CYP3A4: variants seen among roughly 807,000 people sequenced by gnomAD.
The protein encoded by CYP3A4 is cytochrome P450 family 3 subfamily A member 4.
In CYP3A4, 41 loss-of-function variants were observed where a neutral mutation model predicts 54.9. The observed-to-expected ratio is 0.75, with a 90% confidence interval of 0.58 to 0.97. CYP3A4 has a LOEUF of 0.97. Ranked by LOEUF, CYP3A4 falls within the 50% of genes least tolerant of loss-of-function variation. CYP3A4 has a pLI of 0.00. For missense variants in CYP3A4, 510 were observed against 597.3 expected (o/e 0.85, Z 1.52); for synonymous variants, 179 against 205.2 (o/e 0.87, Z 1.09).
At chr7:99,778,918 G>C (rs1229059388) in intron 2 of CYP3A4, among the ~76,000 whole-genome samples, 2 of 152,136 alleles carry the variant, frequency 1.3e-5, no homozygotes, top group Non-Finnish European at 2.9e-5. Flanking sequence ...GAAATTCCTG[G>C]ATAGTAATTA....
At chr7:99,778,192 G>A in intron 2 of CYP3A4, 112 bp from the exon 3 acceptor site, 1 of 795,902 alleles carries the variant, frequency 1.3e-6, no homozygotes, top group East Asian at 2.7e-5. Flanking sequence ...CTGGCAGTTA[G>A]AGGAAGCTTA....
At chr7:99,762,383 G>A in intron 10 of CYP3A4, 116 bp from the exon 11 acceptor site, 2 of 1,346,158 alleles carry the variant, frequency 1.5e-6, no homozygotes. Flanking sequence ...ACTGGTAAAG[G>A]ATCGAAGCAT....
intron 1 of CYP3A4, among the ~76,000 whole-genome samples, chr7:99,780,478 G>C (rs1815892290): frequency 1.3e-5 from 2 of 152,162 alleles, no homozygotes; most frequent in South Asian, 4.1e-4. Flanking sequence ...GGTAGAAAGG[G>C]TGACATTTTT....
chr7:99,770,067 T>G, intron 5 of CYP3A4, 55 bp downstream of exon 5: 1 of 1,568,768 alleles, frequency 6.4e-7, no homozygotes, highest in African/African-American at 1.4e-5. Context: ...TTTATACCTG[T>G]CCCCACCAGA....
intron 6 of CYP3A4, among the ~76,000 whole-genome samples, chr7:99,769,094 C>A (rs13312080): frequency 1.3e-5 from 2 of 151,980 alleles, no homozygotes; most frequent in South Asian, 4.2e-4. Flanking sequence ...ATATAATGAC[C>A]AATAATGTCC....
At chr7:99,776,859 AAAAAT>A (rs1456318405) in intron 3 of CYP3A4, among the ~76,000 whole-genome samples, 5 of 152,162 alleles carry the variant, frequency 3.3e-5, no homozygotes, top group Admixed American at 6.5e-5. Flanking sequence ...ACTAAAAATA[AAAAAT>A]AAAATAAAAT....
At chr7:99,770,336 A>C in intron 4 of CYP3A4, 101 bp from the exon 5 acceptor site, 1 of 975,544 alleles carries the variant, frequency 1.0e-6, no homozygotes, top group Non-Finnish European at 1.5e-6. Context: ...ACAACTATTT[A>C]GTGACTGTCT....
In CYP3A4 at chr7:99,778,083, G is replaced by C. The variant is rs1447731963; in HGVS notation, c.166-3C>G. 11 of 1,609,324 alleles carry C rather than the reference G, an allele frequency of 6.8e-6. No individual in the cohort carries two copies. The Admixed American group carries it at 8.4e-5, about 12-fold the overall frequency. On this transcript the variant is annotated splice_polypyrimidine_tract_variant and splice_region_variant and intron_variant, in intron 2 of 12. Coordinates refer to ENST00000651514, the MANE Select transcript of CYP3A4 (RefSeq NM_017460.6). ...TCCATGTCAAACATACAAAAGCCCTGGGAGGAGAAACAAAATAATATTTGA... is the reference window on the plus strand; with the variant it reads ...TCCATGTCAAACATACAAAAGCCCTCGGAGGAGAAACAAAATAATATTTGA...
At position 99,766,327 on chromosome 7, in the gene CYP3A4, G is replaced by A. The variant is rs1815475994; in HGVS notation, c.865+50C>T. ...ACTTCCTGCACATTTTCAGAACAAG[G>A]CCTTCCCTCTGAGTGCCCCACAAGT... On this transcript the variant is annotated intron_variant, in intron 9 of 12. Coordinates refer to ENST00000651514, the MANE Select transcript of CYP3A4 (RefSeq NM_017460.6). The A allele has an allele frequency of 8.2e-6, 13 of 1,593,266 alleles. No homozygotes were observed. The South Asian group carries it at 1.3e-4, about 16-fold the overall frequency.
At chr7:99,773,868 G>C (rs1315496534) in intron 3 of CYP3A4, among the ~76,000 whole-genome samples, 3 of 152,006 alleles carry the variant, frequency 2.0e-5, no homozygotes, top group Non-Finnish European at 4.4e-5. Context: ...GAAGGAGATA[G>C]AGACACAACA....
intron 3 of CYP3A4, among the ~76,000 whole-genome samples, chr7:99,776,158 C>T (rs1480912560): frequency 1.3e-5 from 2 of 152,010 alleles, no homozygotes; most frequent in Non-Finnish European, 2.9e-5. Context: ...CATCTCATGC[C>T]AGGTAGTATG....
intron 1 of CYP3A4, among the ~76,000 whole-genome samples, chr7:99,783,072 G>A (rs1815967179): frequency 1.3e-5 from 2 of 152,204 alleles, no homozygotes; most frequent in South Asian, 4.1e-4. Context: ...AAGGTCAGAA[G>A]ATGGAAAATA....
At chr7:99,776,058 G>T (rs540248503) in intron 3 of CYP3A4, among the ~76,000 whole-genome samples, 4 of 152,176 alleles carry the variant, frequency 2.6e-5, no homozygotes, top group Admixed American at 6.5e-5. Flanking sequence ...CTTCTCAAAA[G>T]AAGACATCTA....
intron 7 of CYP3A4, among the ~76,000 whole-genome samples, chr7:99,768,034 T>TAAA (rs1375830760): frequency 2.0e-5 from 3 of 152,210 alleles, no homozygotes; most frequent in Non-Finnish European, 4.4e-5. Flanking sequence ...AACTAGAGAA[T>TAAA]AAAAAACCCT....
At chr7:99,776,780 G>A (rs1395994667) in intron 3 of CYP3A4, among the ~76,000 whole-genome samples, 1 of 152,052 alleles carries the variant, frequency 6.6e-6, no homozygotes, top group Admixed American at 6.6e-5. Flanking sequence ...ACCATGGCAC[G>A]TGTATACCTA....
At chr7:99,764,164 T>G in intron 9 of CYP3A4, 149 bp from the exon 10 acceptor site, 1 of 1,189,066 alleles carries the variant, frequency 8.4e-7, no homozygotes, top group South Asian at 1.5e-5. Context: ...GGTTTCATTC[T>G]GATGTGTATC....
At chr7:99,772,530 A>C in intron 4 of CYP3A4, 60 bp downstream of exon 4, 2 of 1,598,828 alleles carry the variant, frequency 1.3e-6, no homozygotes, top group Admixed American at 1.7e-5. Context: ...TGAATATATA[A>C]GAATTTCAAA....
In CYP3A4 at chr7:99,775,788, G is replaced by T. The variant is rs566091901; in HGVS notation, c.218+2240C>A. Among the ~76,000 whole-genome samples, 31 of 152,008 alleles carry T rather than the reference G, an allele frequency of 2.0e-4. No homozygotes were observed. The South Asian group carries it at 2.9e-3, about 14-fold the overall frequency. On this transcript the variant is annotated intron_variant, in intron 3 of 12. Coordinates refer to ENST00000651514, the MANE Select transcript of CYP3A4 (RefSeq NM_017460.6). ...ATTCAGGACACAGGCATGGGCAAAG[G>T]CTTCATAAATATAACACCAAAAGCA...
rs1387837370 is a variant in CYP3A4, at chr7:99,758,089, G to A, written c.*44C>T. 6.6e-7 allele frequency: 1 copy of A among 1,508,914 alleles called. No homozygotes were observed. Among genetic ancestry groups the A allele is most frequent in the Non-Finnish European group, 9.2e-7 (1 of 1,084,502 alleles). 93.5% of individuals were successfully genotyped at this position (1,508,914 alleles called of 1,614,324 possible). On this transcript the variant is annotated 3_prime_UTR_variant, in exon 13 of 13. Transcript: ENST00000651514. Reference sequence around the variant, plus strand: ...TAATTTGAGGTCTCTGGTGTTCTCAGGCACAGATTTCTTGAAGAGCAAAGC... The same window carrying A: ...TAATTTGAGGTCTCTGGTGTTCTCAAGCACAGATTTCTTGAAGAGCAAAGC...
Sources: gnomAD v4.1 joint callset for allele counts (sites outside exome capture counted in the v4.1 genomes callset) on GRCh38, gnomAD v4.1.1 for gene constraint, MANE v1.5 for transcripts, NCBI Gene and HGNC (gene_info 2026-07-23, HGNC 2026-07-21) for gene names.